Variants in THADA observed in about 807,000 individuals in gnomAD.
THADA encodes tRNA (32-2'-O)-methyltransferase regulator THADA.
THADA carries 213 observed loss-of-function variants against 219.8 expected under a neutral mutation model. The observed-to-expected ratio is 0.97, with a 90% CI of 0.87 to 1.09. The LOEUF is 1.09. THADA is among the 50% of genes least tolerant of loss of function. The probability of loss-of-function intolerance (pLI) is 0.00; values close to 1 mark genes in which losing one functional copy is unlikely to be tolerated. For missense variants in THADA, 2,956 were observed against 2,311.3 expected (o/e 1.28, Z -5.72); for synonymous variants, 1,018 against 828.9 (o/e 1.23, Z -3.92).
At chr2:43,232,073 C>T (rs535931408) in intron 37 of THADA, among the ~76,000 whole-genome samples, 4 of 152,294 alleles carry the variant, frequency 2.6e-5, no homozygotes, top group East Asian at 3.9e-4. Context: ...AATGCTTCAC[C>T]CTCAGACCTA....
At chr2:43,590,644 CAAAAA>C (rs768406325) in intron 4 of THADA, among the ~76,000 whole-genome samples, 175 bp downstream of exon 4, 1 of 59,224 alleles carries the variant, frequency 1.7e-5, no homozygotes, top group African/African-American at 6.7e-5. Context: ...GACTCCGTCT[CAAAAA>C]AAAAAAAAAA....
intron 30 of THADA, among the ~76,000 whole-genome samples, chr2:43,330,690 GAA>G (rs1217212708): frequency 6.6e-6 from 1 of 152,202 alleles, no homozygotes; most frequent in South Asian, 2.1e-4. Flanking sequence ...TGAGAGTGAG[GAA>G]AAGGGATATA....
intron 28 of THADA, among the ~76,000 whole-genome samples, chr2:43,412,884 C>T: frequency 6.6e-6 from 1 of 152,182 alleles, no homozygotes; most frequent in East Asian, 1.9e-4. Context: ...ATCCCTACAT[C>T]TTCTAGCCTT....
chr2:43,485,200 A>G, intron 26 of THADA, 34 bp downstream of exon 26: 1 of 1,536,022 alleles, frequency 6.5e-7, no homozygotes, highest in Non-Finnish European at 9.0e-7. Flanking sequence ...TGTATTTTTT[A>G]AAAAAAGTAA....
chr2:43,442,448 A>C (rs1202114994), intron 26 of THADA, among the ~76,000 whole-genome samples: 1 of 152,182 alleles, frequency 6.6e-6, no homozygotes. Context: ...TTGCAAAGAC[A>C]GAAAAAAGAA....
Position 43,581,782 on chromosome 2 carries a change from A to T in THADA, c.680T>A (p.Met227Lys). 6.2e-7 allele frequency: 1 copy of T among 1,612,432 alleles called. No individual in the cohort carries two copies. The highest frequency in any genetic ancestry group is 8.5e-7 in the Non-Finnish European group (1 of 1,179,622). The change falls in exon 8 of 38, where the codon ATG (methionine) becomes AAG (lysine). Residue 227 changes from methionine to lysine, a missense_variant. Met to Lys is a moderately conservative substitution (Grantham distance 95). Coordinates refer to ENST00000405975, the MANE Select transcript of THADA (RefSeq NM_022065.5). ...GGTAAAAATACTCAGCAATCCACAC[A>T]TATTTTGCCATATGGGAGAATCGGA... ...KTSDSPIWQN[M>K]CGLLSIFTKV...
chr2:43,405,679 A>G (rs141683422), intron 28 of THADA, among the ~76,000 whole-genome samples: 70 of 152,286 alleles, frequency 4.6e-4, no homozygotes, highest in African/African-American at 1.6e-3. Flanking sequence ...CGGAGCTTTT[A>G]AAGTTTGATT....
intron 26 of THADA, among the ~76,000 whole-genome samples, chr2:43,462,405 C>T (rs1022890978): frequency 6.6e-6 from 1 of 152,066 alleles, no homozygotes; most frequent in Non-Finnish European, 1.5e-5. Flanking sequence ...CTAAATCAGG[C>T]TCTCCTAAAG....
At chr2:43,571,995 G>C (rs1002927325) in intron 12 of THADA, 133 bp from the exon 13 acceptor site, 27 of 705,226 alleles carry the variant, frequency 3.8e-5, no homozygotes, top group African/African-American at 3.7e-4. Context: ...ACCTCAGAAA[G>C]GTTTCCTAAT....
At chr2:43,239,726 G>A (rs1668420705) in intron 36 of THADA, among the ~76,000 whole-genome samples, 1 of 152,210 alleles carries the variant, frequency 6.6e-6, no homozygotes, top group African/African-American at 2.4e-5. Flanking sequence ...CTGTGCAAAT[G>A]GCAATGGGTT....
intron 36 of THADA, among the ~76,000 whole-genome samples, chr2:43,264,159 A>G (rs868177968): frequency 2.6e-5 from 4 of 151,710 alleles, no homozygotes; most frequent in African/African-American, 9.7e-5. Flanking sequence ...TTTAAAGCCC[A>G]TGGTTTCAGG....
At position 43,476,121 on chromosome 2, in the gene THADA, C is replaced by A. The variant is rs542608899; in HGVS notation, c.3836+9113G>T. ...TCCTATTAGTCTAATTATAGTGGATCTATTTCTATCACCAGGGATAAGCTG... is the reference window on the plus strand; with the variant it reads ...TCCTATTAGTCTAATTATAGTGGATATATTTCTATCACCAGGGATAAGCTG... On this transcript the variant is annotated intron_variant, in intron 26 of 37. Coordinates refer to ENST00000405975, the MANE Select transcript of THADA (RefSeq NM_022065.5). Among the ~76,000 whole-genome samples the A allele has an allele frequency of 3.3e-5, 5 of 152,290 alleles. No homozygotes were observed. In the South Asian group the frequency reaches 1.0e-3, roughly 32 times the overall value.
At chr2:43,521,514 C>T (rs1042943351) in intron 22 of THADA, among the ~76,000 whole-genome samples, 3 of 152,188 alleles carry the variant, frequency 2.0e-5, no homozygotes, top group African/African-American at 7.2e-5. Context: ...CGAGATTGCA[C>T]CACTGCACTC....
intron 26 of THADA, among the ~76,000 whole-genome samples, chr2:43,468,864 C>A (rs1178813056): frequency 1.3e-5 from 2 of 152,174 alleles, no homozygotes; most frequent in Non-Finnish European, 2.9e-5. Flanking sequence ...TTACCATCCC[C>A]ATTTTATGAT....
At chr2:43,436,534 T>TCAACTGACGTAGGGATCTCC (rs1680138993) in intron 26 of THADA, among the ~76,000 whole-genome samples, 1 of 152,190 alleles carries the variant, frequency 6.6e-6, no homozygotes, top group South Asian at 2.1e-4. Flanking sequence ...TGGCCTTGGC[T>TCAACTGACGTAGGGATCTCC]CCAAGCACCT....
At chr2:43,285,433 G>C (rs941842174) in intron 35 of THADA, among the ~76,000 whole-genome samples, 1 of 152,126 alleles carries the variant, frequency 6.6e-6, no homozygotes, top group African/African-American at 2.4e-5. Context: ...ATGTGAAGAA[G>C]GTGTTTGCTT....
chr2:43,444,793 T>C (rs982892659), intron 26 of THADA, among the ~76,000 whole-genome samples: 4 of 151,962 alleles, frequency 2.6e-5, no homozygotes, highest in Non-Finnish European at 5.9e-5. Context: ...TTCTCGATCA[T>C]CTCAGGAATA....
rs534840261 is a variant in THADA at position 43,448,962 on chromosome 2, AG to A, written c.3837-18661del. Reference sequence around the variant, plus strand: ...AAACAGGGAAAGATAGCCAATTCAAAGGGGGGGCGGGGAACCCAACAGGAAC... The same window carrying A: ...AAACAGGGAAAGATAGCCAATTCAAAGGGGGGCGGGGAACCCAACAGGAAC... On this transcript the variant is annotated intron_variant, in intron 26 of 37. Transcript: ENST00000405975. Among the ~76,000 whole-genome samples the A allele has an allele frequency of 2.9e-4, 44 of 152,210 alleles. 1 individual carries two copies. The East Asian group carries it at 8.3e-3, about 29-fold the overall frequency.
intron 15 of THADA, chr2:43,564,117 A>C (rs1483601519): frequency 3.9e-5 from 6 of 152,222 alleles, no homozygotes; most frequent in African/African-American, 1.4e-4. Flanking sequence ...AATGTGCAGA[A>C]AACTTTTTGT....
Sources: allele counts gnomAD v4.1 joint callset (sites outside exome capture counted in the v4.1 genomes callset), GRCh38; gene constraint gnomAD v4.1.1; transcripts MANE v1.5; gene names NCBI Gene and HGNC (gene_info 2026-07-23, HGNC 2026-07-21).